Variants in MACROD1 observed in about 807,000 individuals in gnomAD.
MACROD1 encodes ADP-ribose glycohydrolase MACROD1.
In MACROD1, 31 loss-of-function variants were observed where a neutral mutation model predicts 41.4. The ratio of observed to expected loss-of-function variants is 0.75; its 90% CI spans 0.56 to 1.01. The LOEUF (loss-of-function observed/expected upper bound fraction) is 1.01. Among genes scored for constraint, MACROD1 ranks in the 50% least tolerant of loss-of-function variants. The probability of loss-of-function intolerance (pLI) is 0.00; values close to 1 mark genes in which losing one functional copy is unlikely to be tolerated. For missense variants in MACROD1, 473 were observed against 460.0 expected (o/e 1.03, Z -0.26); for synonymous variants, 252 against 203.4 (o/e 1.24, Z -2.03).
chr11:64,142,798 G>A (rs527572683), intron 3 of MACROD1, among the ~76,000 whole-genome samples: 30 of 152,006 alleles, frequency 2.0e-4, no homozygotes, highest in Non-Finnish European at 3.8e-4. Context: ...CTCACTTCCA[G>A]ACGACCCAGA....
chr11:64,026,456 G>A (rs113148412), intron 3 of MACROD1, among the ~76,000 whole-genome samples: 5 of 152,124 alleles, frequency 3.3e-5, no homozygotes, highest in African/African-American at 9.7e-5. Context: ...ATCTTTACAC[G>A]CCCCATGCAC....
intron 4 of MACROD1, among the ~76,000 whole-genome samples, chr11:64,008,538 G>A (rs111403431): frequency 2.0e-5 from 3 of 152,064 alleles, no homozygotes; most frequent in African/African-American, 7.2e-5. Context: ...GGAGGGTTGC[G>A]ACAGGAGGGC....
intron 3 of MACROD1, among the ~76,000 whole-genome samples, chr11:64,094,859 T>C (rs1944549717): frequency 6.6e-6 from 1 of 152,128 alleles, no homozygotes. Flanking sequence ...CACATCCAGG[T>C]TGGGGGGCCC....
rs1014574173 is a variant in MACROD1 at position 64,036,956 on chromosome 11, C to A, written c.518-21675G>T. On this transcript the variant is annotated intron_variant, in intron 3 of 10. Coordinates refer to ENST00000255681, the MANE Select transcript of MACROD1 (RefSeq NM_014067.4). The surrounding 1 kb of genome is among the most constrained non-coding windows in gnomAD (Gnocchi z 5.6). ...GGAACCGTGGTTGATCAGAGCTCCC[C>A]GAGGAGGAGAAAGTTGTGGAACAGG... Among the ~76,000 whole-genome samples the A allele has an allele frequency of 1.3e-5, 2 of 152,196 alleles. No individual in the cohort carries two copies. Among genetic ancestry groups the A allele is most frequent in the African/African-American group, 4.8e-5 (2 of 41,450 alleles).
At chr11:64,014,460 G>C (rs1032845244) in intron 4 of MACROD1, among the ~76,000 whole-genome samples, 3 of 152,160 alleles carry the variant, frequency 2.0e-5, no homozygotes, top group African/African-American at 7.2e-5. Context: ...TTAAAACCTG[G>C]CCTGGGCCCT....
intron 1 of MACROD1, among the ~76,000 whole-genome samples, chr11:64,153,903 C>G (rs1945623524): frequency 6.6e-6 from 1 of 152,072 alleles, no homozygotes; most frequent in African/African-American, 2.4e-5. Context: ...TGCCTGCCCT[C>G]AAATAATCCC....
rs1037168605 is a variant in MACROD1 at position 64,116,094 on chromosome 11, C to G, written c.517+35145G>C. ...AGGCCACTCCTCCAGCTTGACCTCA[C>G]CCCGCAGGACCGGACTTCGGTCACC... On this transcript the variant is annotated intron_variant, in intron 3 of 10. Coordinates refer to ENST00000255681, the MANE Select transcript of MACROD1 (RefSeq NM_014067.4). 23 of 978,372 alleles carry G rather than the reference C, an allele frequency of 2.4e-5. No homozygotes were observed. In the African/African-American group the frequency reaches 3.4e-4, roughly 15 times the overall value. The allele number at this position is 978,372 out of a possible 1,614,324, so 60.6% of individuals were successfully genotyped here.
rs189103961 is a variant in MACROD1, at chr11:64,126,357, C to T, written c.517+24882G>A. ...GTGAGAGAAGTGGGGAGAGAGGTGA[C>T]GGAGGGTGGAGTGGTGTGTGGCGTC... On this transcript the variant is annotated intron_variant, in intron 3 of 10. Coordinates refer to ENST00000255681, the MANE Select transcript of MACROD1 (RefSeq NM_014067.4). Among the ~76,000 whole-genome samples the T allele has an allele frequency of 7.2e-4, 110 of 152,054 alleles. 2 individuals are homozygous for T. The highest frequency in any genetic ancestry group is 6.4e-3 in the Admixed American group (98 of 15,260).
chr11:64,138,632 C>T (rs1423142973), intron 3 of MACROD1: 3 of 774,260 alleles, frequency 3.9e-6, no homozygotes, highest in East Asian at 1.3e-4. Flanking sequence ...TCCCCAACTG[C>T]GATGCCGCTC....
chr11:63,999,238 C>A, intron 8 of MACROD1, 93 bp downstream of exon 8: 1 of 1,481,268 alleles, frequency 6.8e-7, no homozygotes, highest in Non-Finnish European at 9.1e-7. Context: ...GGGCCTGGCC[C>A]TGCGCTCTGC....
At chr11:64,079,673 TGGA>T (rs1944270203) in intron 3 of MACROD1, among the ~76,000 whole-genome samples, 2 of 151,952 alleles carry the variant, frequency 1.3e-5, no homozygotes, top group Admixed American at 6.6e-5. Flanking sequence ...CAGAGACCCC[TGGA>T]GGAGGTGTGG....
At chr11:64,139,347 C>T (rs12797120) in intron 3 of MACROD1, among the ~76,000 whole-genome samples, 25,321 of 152,170 alleles carry the variant, frequency 0.17, 2,338 homozygotes, top group Admixed American at 0.28. Context: ...GACTCCCACA[C>T]AGCCGTGCCC....
chr11:64,010,254 C>T (rs1310929004), intron 4 of MACROD1, among the ~76,000 whole-genome samples: 364 of 115,028 alleles, frequency 3.2e-3, no homozygotes, highest in Non-Finnish European at 4.3e-3. Context: ...GGTTGGGGTG[C>T]TGGCTGGCAT....
In MACROD1 at chr11:64,096,903, G is replaced by A. The variant is rs1390458592; in HGVS notation, c.517+54336C>T. On this transcript the variant is annotated intron_variant, in intron 3 of 10. Transcript: ENST00000255681. The surrounding 1 kb of genome is among the most constrained non-coding windows in gnomAD (Gnocchi z 4.6). ...GCTGAGAGCCGATGCCTGTCCCTCC[G>A]TGAGCTGGGTGCGAGTGGCCCTTGC... Among the ~76,000 whole-genome samples the A allele has an allele frequency of 1.3e-5, 2 of 152,220 alleles. No homozygotes were observed. Among genetic ancestry groups the A allele is most frequent in the East Asian group, 3.9e-4 (2 of 5,188 alleles).
At chr11:64,004,566 G>A (rs1942879294) in intron 4 of MACROD1, among the ~76,000 whole-genome samples, 1 of 152,148 alleles carries the variant, frequency 6.6e-6, no homozygotes, top group Non-Finnish European at 1.5e-5. Context: ...CGAGGGCAGG[G>A]CACCCCAACC....
intron 3 of MACROD1, among the ~76,000 whole-genome samples, chr11:64,016,510 G>A (rs1943083053): frequency 6.6e-6 from 1 of 152,258 alleles, no homozygotes; most frequent in African/African-American, 2.4e-5. Context: ...AGGATGAGGG[G>A]ACACAGAGCT....
intron 3 of MACROD1, among the ~76,000 whole-genome samples, chr11:64,147,203 T>A (rs1325677922): frequency 6.6e-6 from 1 of 151,560 alleles, no homozygotes; most frequent in African/African-American, 2.4e-5. Context: ...GTAGCTGGAC[T>A]ACAGGCATGC....
intron 3 of MACROD1, among the ~76,000 whole-genome samples, chr11:64,019,098 G>A (rs1270054238): frequency 6.6e-6 from 1 of 152,174 alleles, no homozygotes; most frequent in Non-Finnish European, 1.5e-5. Context: ...GTGGGGGCGG[G>A]GCCTCCCGGC....
At chr11:64,148,246 G>A (rs1945523761) in intron 3 of MACROD1, among the ~76,000 whole-genome samples, 1 of 152,134 alleles carries the variant, frequency 6.6e-6, no homozygotes. Context: ...GAGGGTGGGG[G>A]GTTGGGAGCT....
Sources: allele counts gnomAD v4.1 joint callset (sites outside exome capture counted in the v4.1 genomes callset), GRCh38; gene constraint gnomAD v4.1.1; non-coding constraint Gnocchi (gnomAD v3.1); transcripts MANE v1.5; gene names NCBI Gene and HGNC (gene_info 2026-07-23, HGNC 2026-07-21).